SLC6A4: variants seen among roughly 807,000 people sequenced by gnomAD.
The protein encoded by SLC6A4 is sodium-dependent serotonin transporter.
Under a neutral mutation model 73.4 loss-of-function variants are expected in SLC6A4, and 22 were observed. That is an observed-to-expected ratio of 0.30 (90% CI 0.21 to 0.43). The LOEUF (loss-of-function observed/expected upper bound fraction) is 0.43, where lower values mean the gene tolerates loss of function less well. Among genes scored for constraint, SLC6A4 ranks in the 20% least tolerant of loss-of-function variants. The pLI is 1.00. For missense variants in SLC6A4, 593 were observed against 808.5 expected, an observed-to-expected ratio of 0.73 and a Z score of 3.23; for synonymous variants, 270 against 315.5, an observed-to-expected ratio of 0.86 and a Z score of 1.53.
chr17:30,220,820 G>A (rs369715576), intron 3 of SLC6A4, among the ~76,000 whole-genome samples: 155 of 152,272 alleles, frequency 1.0e-3, no homozygotes, highest in African/African-American at 3.4e-3. Flanking sequence ...AGAGCCTGGA[G>A]AATGCAGGAT....
intron 4 of SLC6A4, among the ~76,000 whole-genome samples, 191 bp downstream of exon 4, chr17:30,218,606 T>C (rs1445433246): frequency 6.6e-6 from 1 of 152,248 alleles, no homozygotes; most frequent in African/African-American, 2.4e-5. Flanking sequence ...TTACTTCTCA[T>C]TGCCGTTTAT....
At chr17:30,212,945 C>A in intron 8 of SLC6A4, 78 bp from the exon 9 acceptor site, 1 of 1,521,908 alleles carries the variant, frequency 6.6e-7, no homozygotes, top group South Asian at 1.2e-5. Context: ...CGTGTGCCTG[C>A]CCTGCCTTAG....
At position 30,197,099 on chromosome 17, in the gene SLC6A4, T is replaced by A. The variant is rs1207031797; in HGVS notation, c.*1357A>T. 6.6e-6 allele frequency: 1 copy of A among 152,380 alleles called. No individual in the cohort carries two copies. Among genetic ancestry groups the A allele is most frequent in the Non-Finnish European group, 1.5e-5 (1 of 68,038 alleles). The allele number at this position is 152,380 out of a possible 1,614,324, so 9.4% of individuals were successfully genotyped here. On this transcript the variant is annotated 3_prime_UTR_variant, in exon 15 of 15. Transcript: ENST00000650711. ...AAATTCTGATAAGGAATTCCCATGC[T>A]GCAAATATTAATTTGCTCCTCTACC...
chr17:30,210,485 C>G, intron 11 of SLC6A4, 30 bp downstream of exon 11: 1 of 1,605,346 alleles, frequency 6.2e-7, no homozygotes, highest in Non-Finnish European at 8.5e-7. Context: ...TAGGGGAGGC[C>G]AACTCAAAGC....
chr17:30,231,765 A>G (rs1329919487), intron 1 of SLC6A4, among the ~76,000 whole-genome samples: 1 of 152,230 alleles, frequency 6.6e-6, no homozygotes, highest in Non-Finnish European at 1.5e-5. Flanking sequence ...CCTGCTGACC[A>G]GAACAGCTTA....
At position 30,218,133 on chromosome 17, in the gene SLC6A4, G is replaced by T. The variant is rs1249507811; in HGVS notation, c.683C>A (p.Ala228Asp). Residue 228 changes from alanine (A) to aspartate (D), a missense_variant, in exon 5 of 15, where the codon GCT becomes GAT. Transcript: ENST00000650711. Reference protein sequence around the residue: ...ITWTLHSTSPAEEFYTRHVLQ... With the variant: ...ITWTLHSTSPDEEFYTRHVLQ... ...GTGCACTTACGTGTAAAATTCTTCA[G>T]CAGGGGACGTGGAATGGAGGGTCCA... 1.9e-6 allele frequency: 3 copies of T among 1,613,986 alleles called. No homozygotes were observed. Among genetic ancestry groups the T allele is most frequent in the Non-Finnish European group, 2.5e-6 (3 of 1,179,934 alleles).
chr17:30,200,157 G>A (rs905791377), intron 14 of SLC6A4, among the ~76,000 whole-genome samples: 3 of 152,202 alleles, frequency 2.0e-5, no homozygotes, highest in East Asian at 3.9e-4. Flanking sequence ...AATGAACGAC[G>A]TCATAAAGTC....
Position 30,216,076 on chromosome 17 carries a change from T to C in SLC6A4, c.972+6A>G, listed in dbSNP as rs200198948. On this transcript the variant is annotated splice_donor_region_variant and intron_variant, in intron 7 of 14. Transcript: ENST00000650711. ...ACAGGTACACATATTTCCCTCATCA[T>C]CTTACCCCTGTCTCCAGGAGTTTCT... The C allele has an allele frequency of 2.5e-6, 4 of 1,612,600 alleles. No individual in the cohort carries two copies. The highest frequency in any genetic ancestry group is 3.4e-6 in the Non-Finnish European group (4 of 1,179,146).
chr17:30,198,361 G>T lies in SLC6A4; in HGVS notation c.*95C>A. On this transcript the variant is annotated 3_prime_UTR_variant, in exon 15 of 15. Coordinates refer to ENST00000650711, the MANE Select transcript of SLC6A4 (RefSeq NM_001045.6). ...GGCCCTTCCATCATCAGGCTTAGCT[G>T]GAAACTCATTCACTTGGAGGGGAGA... is the stretch of plus-strand genomic sequence containing the variant. The T allele has an allele frequency of 4.1e-6, 3 of 728,156 alleles. No individual in the cohort carries two copies. Among genetic ancestry groups the T allele is most frequent in the Non-Finnish European group, 7.2e-6 (3 of 415,642 alleles). 45.1% of individuals were successfully genotyped at this position (728,156 alleles called of 1,614,324 possible).
At chr17:30,201,108 T>G (rs1282748089) in intron 14 of SLC6A4, among the ~76,000 whole-genome samples, 2 of 152,150 alleles carry the variant, frequency 1.3e-5, no homozygotes, top group Admixed American at 1.3e-4. Context: ...CTTGCCTTAG[T>G]CCAGCAGTCT....
At chr17:30,210,677 A>G in intron 10 of SLC6A4, 31 bp from the exon 11 acceptor site, 1 of 1,597,402 alleles carries the variant, frequency 6.3e-7, no homozygotes, top group Non-Finnish European at 8.5e-7. Flanking sequence ...GTCACGGTGG[A>G]GGCTTTGGGA....
At chr17:30,232,538 G>T (rs1907143986) in intron 1 of SLC6A4, among the ~76,000 whole-genome samples, 1 of 152,214 alleles carries the variant, frequency 6.6e-6, no homozygotes, top group African/African-American at 2.4e-5. Flanking sequence ...CCAGTCCTGG[G>T]TGCTAAAGAG....
At chr17:30,213,039 C>T (rs1371684527) in intron 8 of SLC6A4, among the ~76,000 whole-genome samples, 172 bp from the exon 9 acceptor site, 1 of 152,204 alleles carries the variant, frequency 6.6e-6, no homozygotes, top group Non-Finnish European at 1.5e-5. Context: ...TCTCCCAGAA[C>T]CCAGCTGCCG....
intron 14 of SLC6A4, among the ~76,000 whole-genome samples, chr17:30,201,019 G>A (rs944282404): frequency 6.6e-6 from 1 of 152,112 alleles, no homozygotes; most frequent in African/African-American, 2.4e-5. Context: ...CTGACCTCAG[G>A]TGACCCATCC....
intron 3 of SLC6A4, among the ~76,000 whole-genome samples, chr17:30,219,389 CAA>C (rs1357439557): frequency 1.3e-5 from 2 of 152,220 alleles, no homozygotes; most frequent in African/African-American, 2.4e-5. Flanking sequence ...GGGCACAACA[CAA>C]AAATTGTGTT....
chr17:30,218,029 C>T (rs1199560901), intron 5 of SLC6A4, 89 bp downstream of exon 5: 14 of 964,318 alleles, frequency 1.5e-5, no homozygotes, highest in East Asian at 2.5e-5. Context: ...GGGTGAGGAG[C>T]CCTTGGCCCT....
intron 12 of SLC6A4, among the ~76,000 whole-genome samples, chr17:30,208,618 C>T (rs767599260): frequency 1.3e-5 from 2 of 152,198 alleles, no homozygotes; most frequent in Non-Finnish European, 2.9e-5. Flanking sequence ...CTGTGTGCAA[C>T]CCAAAATGTG....
Position 30,198,354 on chromosome 17 carries a change from C to A in SLC6A4, c.*102G>T. On this transcript the variant is annotated 3_prime_UTR_variant, in exon 15 of 15. Coordinates refer to ENST00000650711, the MANE Select transcript of SLC6A4 (RefSeq NM_001045.6). Reference sequence around the variant, plus strand: ...TGGAGAAGGCCCTTCCATCATCAGGCTTAGCTGGAAACTCATTCACTTGGA... The same window carrying A: ...TGGAGAAGGCCCTTCCATCATCAGGATTAGCTGGAAACTCATTCACTTGGA... 1 of 696,398 alleles carries A rather than the reference C, an allele frequency of 1.4e-6. No homozygotes were observed. Among genetic ancestry groups the A allele is most frequent in the South Asian group, 1.8e-5 (1 of 55,780 alleles). 43.1% of individuals were successfully genotyped at this position (696,398 alleles called of 1,614,324 possible). A position where few individuals can be genotyped will look rare whatever the true frequency, so the allele number is the denominator to read the frequency against.
chr17:30,211,504 A>G lies in SLC6A4; in HGVS notation c.1205-80T>C. ...TGTCACAGAGGAAAACTCAGCCACA[A>G]CAACAGTTACAATTCTCATCACAAG... On this transcript the variant is annotated intron_variant, in intron 9 of 14. Transcript: ENST00000650711. This position sits in a 1 kb window ranked among gnomAD's most constrained non-coding sequence, Gnocchi z 4.0. 1.2e-6 allele frequency: 1 copy of G among 857,508 alleles called. No homozygotes were observed. Among genetic ancestry groups the G allele is most frequent in the South Asian group, 1.4e-5 (1 of 72,422 alleles). 53.1% of individuals were successfully genotyped at this position (857,508 alleles called of 1,614,324 possible).
Sources: gnomAD v4.1 joint callset for allele counts (sites outside exome capture counted in the v4.1 genomes callset) on GRCh38, gnomAD v4.1.1 for gene constraint, Gnocchi (gnomAD v3.1) non-coding constraint, MANE v1.5 for transcripts, NCBI Gene and HGNC (gene_info 2026-07-23, HGNC 2026-07-21) for gene names.